CDKAL1: variants seen among roughly 807,000 people sequenced by gnomAD.
CDKAL1 encodes the protein threonylcarbamoyladenosine tRNA methylthiotransferase.
Under a neutral mutation model 68.2 loss-of-function variants are expected in CDKAL1, and 32 were observed. The observed-to-expected ratio is 0.47, with a 90% CI of 0.35 to 0.63. The LOEUF (loss-of-function observed/expected upper bound fraction) is 0.63. Ranked by LOEUF, CDKAL1 falls within the 30% of genes least tolerant of loss-of-function variation. CDKAL1 has a pLI of 0.00. For synonymous variants in CDKAL1, 234 were observed against 244.3 expected (o/e 0.96, Z 0.39); for missense variants, 606 against 696.7 (o/e 0.87, Z 1.47).
intron 9 of CDKAL1, among the ~76,000 whole-genome samples, chr6:20,930,078 C>T (rs1311550922): frequency 6.6e-6 from 1 of 152,010 alleles, no homozygotes; most frequent in Non-Finnish European, 1.5e-5. Context: ...CTTTTCTTGA[C>T]AAAAAGTACC....
chr6:21,068,552 G>T (rs921373431), intron 12 of CDKAL1, among the ~76,000 whole-genome samples: 1 of 152,058 alleles, frequency 6.6e-6, no homozygotes, highest in African/African-American at 2.4e-5. Context: ...GTACATGTGT[G>T]GGTCTGTCCT....
chr6:20,851,607 G>C (rs753323158), intron 9 of CDKAL1, among the ~76,000 whole-genome samples: 10 of 151,962 alleles, frequency 6.6e-5, no homozygotes, highest in Non-Finnish European at 8.8e-5. Flanking sequence ...CAAGATAAGT[G>C]GCATAAACTG....
At chr6:20,596,517 C>T (rs1471904706) in intron 4 of CDKAL1, among the ~76,000 whole-genome samples, 1 of 152,192 alleles carries the variant, frequency 6.6e-6, no homozygotes, top group African/African-American at 2.4e-5. Flanking sequence ...CTCCCCACAC[C>T]AAGCTTGAGT....
chr6:20,702,575 G>T (rs534571923), intron 5 of CDKAL1, among the ~76,000 whole-genome samples: 2 of 151,550 alleles, frequency 1.3e-5, no homozygotes, highest in Non-Finnish European at 2.9e-5. Context: ...TTGTCGTTCC[G>T]CCAGTCGATG....
At chr6:21,010,990 G>A (rs1767979950) in intron 11 of CDKAL1, among the ~76,000 whole-genome samples, 1 of 151,002 alleles carries the variant, frequency 6.6e-6, no homozygotes. Flanking sequence ...GCTGAGGCAG[G>A]AGAATGGTGT....
At chr6:21,026,811 G>T (rs1173622986) in intron 11 of CDKAL1, among the ~76,000 whole-genome samples, 2 of 152,102 alleles carry the variant, frequency 1.3e-5, no homozygotes, top group African/African-American at 4.8e-5. Context: ...TTGTTTGGTT[G>T]TCTTTATCTG....
chr6:21,098,234 A>C (rs1440180205), intron 12 of CDKAL1, among the ~76,000 whole-genome samples: 4 of 152,234 alleles, frequency 2.6e-5, no homozygotes, highest in Non-Finnish European at 5.9e-5. Context: ...CTGATGAGGA[A>C]TAGAAACAGC....
At chr6:20,875,495 TGTACAG>T in intron 9 of CDKAL1, among the ~76,000 whole-genome samples, 1 of 152,220 alleles carries the variant, frequency 6.6e-6, no homozygotes, top group South Asian at 2.1e-4. Flanking sequence ...TGTTTCAGTA[TGTACAG>T]TTATAATATT....
At chr6:20,555,308 T>A (rs1255005364) in intron 4 of CDKAL1, among the ~76,000 whole-genome samples, 2 of 152,266 alleles carry the variant, frequency 1.3e-5, no homozygotes, top group Middle Eastern at 3.4e-3. Flanking sequence ...CTGCTTTATT[T>A]TTTTATTTTT....
intron 15 of CDKAL1, among the ~76,000 whole-genome samples, chr6:21,221,130 G>A (rs768749637): frequency 6.6e-6 from 1 of 152,010 alleles, no homozygotes; most frequent in Non-Finnish European, 1.5e-5. Context: ...TCACACCACT[G>A]CACTCCAATC....
At chr6:20,956,053 A>T (rs1392628810) in intron 10 of CDKAL1, among the ~76,000 whole-genome samples, 2 of 152,198 alleles carry the variant, frequency 1.3e-5, no homozygotes, top group Non-Finnish European at 2.9e-5. Flanking sequence ...CTGGAGATAC[A>T]TAGGGGTGAA....
chr6:20,801,776 G>A (rs1005445787), intron 8 of CDKAL1, among the ~76,000 whole-genome samples: 1 of 152,154 alleles, frequency 6.6e-6, no homozygotes, highest in African/African-American at 2.4e-5. Context: ...TTATAAGGAT[G>A]TGTTGGTAAA....
At chr6:21,086,757 T>C (rs1173084674) in intron 12 of CDKAL1, among the ~76,000 whole-genome samples, 1 of 152,214 alleles carries the variant, frequency 6.6e-6, no homozygotes, top group Non-Finnish European at 1.5e-5. Flanking sequence ...CCCAAGCTCC[T>C]TGTTGCTTTG....
intron 5 of CDKAL1, among the ~76,000 whole-genome samples, chr6:20,649,999 A>G (rs567158013): frequency 1.3e-5 from 2 of 152,242 alleles, no homozygotes; most frequent in African/African-American, 4.8e-5. Flanking sequence ...TGTCTTTGCT[A>G]TTGTGAATAG....
rs543818181 is a variant in CDKAL1, at chr6:20,806,886, T to C, written c.638+25621T>C. On this transcript the variant is annotated intron_variant, in intron 8 of 15. Coordinates refer to ENST00000274695, the MANE Select transcript of CDKAL1 (RefSeq NM_017774.3). ...CTGAAGTGGAATCTGCTAAGATGTG[T>C]TACAGCTGATACGGTAAAAATATGT... Among the ~76,000 whole-genome samples the C allele has an allele frequency of 2.2e-3, 339 of 152,312 alleles. 2 individuals are homozygous for C. The highest frequency in any genetic ancestry group is 3.9e-3 in the Admixed American group (59 of 15,306).
chr6:20,866,097 CT>C (rs967210052), intron 9 of CDKAL1, among the ~76,000 whole-genome samples: 1 of 152,132 alleles, frequency 6.6e-6, no homozygotes, highest in African/African-American at 2.4e-5. Flanking sequence ...AATAAACCTA[CT>C]TTTGTTTCTA....
intron 5 of CDKAL1, among the ~76,000 whole-genome samples, chr6:20,678,365 T>G (rs550369329): frequency 5.3e-4 from 80 of 152,238 alleles, no homozygotes; most frequent in Non-Finnish European, 9.0e-4. Flanking sequence ...TGTTACTCCT[T>G]TGTCTCTTTT....
intron 8 of CDKAL1, among the ~76,000 whole-genome samples, chr6:20,827,436 A>G (rs1266472171): frequency 1.3e-5 from 2 of 152,182 alleles, no homozygotes; most frequent in African/African-American, 2.4e-5. Flanking sequence ...AATTTTTTTA[A>G]CAATAGCAAA....
chr6:21,130,275 A>G (rs1582261776), intron 13 of CDKAL1, among the ~76,000 whole-genome samples: 1 of 131,524 alleles, frequency 7.6e-6, no homozygotes, highest in Admixed American at 9.1e-5. Context: ...CCCAGGCTGG[A>G]GTGCAATGGT....
Sources: gnomAD v4.1 joint callset for allele counts (sites outside exome capture counted in the v4.1 genomes callset) on GRCh38, gnomAD v4.1.1 for gene constraint, MANE v1.5 for transcripts, NCBI Gene and HGNC (gene_info 2026-07-23, HGNC 2026-07-21) for gene names.